The following NOX4 variants were observed in gnomAD, a reference collection of about 807,000 sequenced individuals.
The protein encoded by NOX4 is NADPH oxidase 4.
A neutral mutation model predicts 87.6 loss-of-function variants in NOX4; 69 were observed. That is an observed-to-expected ratio of 0.79 (90% CI 0.65 to 0.96). NOX4 has a LOEUF of 0.96. Ranked by LOEUF, NOX4 falls within the 40% of genes least tolerant of loss-of-function variation. The probability of loss-of-function intolerance (pLI) is 0.00; values close to 1 mark genes in which losing one functional copy is unlikely to be tolerated. For synonymous variants in NOX4, 275 were observed against 238.2 expected, an observed-to-expected ratio of 1.15 and a Z score of -1.42; for missense variants, 680 against 681.5, an observed-to-expected ratio of 1.00 and a Z score of 0.02.
chr11:89,562,635 C>T, the NOX4 span, among the ~76,000 whole-genome samples: 1 of 152,138 alleles, frequency 6.6e-6, no homozygotes, highest in African/African-American at 2.4e-5. Flanking sequence ...CCATATGAGA[C>T]TATGTATTTG....
At chr11:89,542,343 A>G in the NOX4 span, among the ~76,000 whole-genome samples, 2 of 152,190 alleles carry the variant, frequency 1.3e-5, no homozygotes, top group African/African-American at 2.4e-5. Context: ...CAACAGTTCT[A>G]TATAACTGGT....
the NOX4 span, among the ~76,000 whole-genome samples, chr11:89,547,739 C>T: frequency 6.6e-6 from 1 of 152,090 alleles, no homozygotes. Context: ...CTCAGAGGCT[C>T]TACTTTAATT....
chr11:89,452,199 CTGT>C (rs2135390330), intron 2 of NOX4, among the ~76,000 whole-genome samples: 1 of 152,274 alleles, frequency 6.6e-6, no homozygotes, highest in South Asian at 2.1e-4. Flanking sequence ...ATTGTTCTGG[CTGT>C]TAAGAGCCTT....
At chr11:89,531,721 C>T in the NOX4 span, among the ~76,000 whole-genome samples, 2 of 152,334 alleles carry the variant, frequency 1.3e-5, no homozygotes, top group Middle Eastern at 3.4e-3. Flanking sequence ...TTCCTCTTCA[C>T]CTTCTGCAAA....
chr11:89,431,153 T>C (rs182598836), intron 7 of NOX4, among the ~76,000 whole-genome samples: 2 of 152,218 alleles, frequency 1.3e-5, no homozygotes, highest in East Asian at 1.9e-4. Context: ...GCTAGTTGTA[T>C]GTAGAAAGCT....
chr11:89,553,648 C>T, the NOX4 span, among the ~76,000 whole-genome samples: 60 of 151,960 alleles, frequency 3.9e-4, no homozygotes, highest in Non-Finnish European at 7.8e-4. Context: ...AAGAATTAAT[C>T]TAGAATGTGA....
intron 12 of NOX4, among the ~76,000 whole-genome samples, chr11:89,365,750 C>T (rs1301431818): frequency 1.2e-5 from 1 of 84,974 alleles, no homozygotes; most frequent in Non-Finnish European, 2.2e-5. Context: ...AAGACCACGC[C>T]CACAAAAAAA....
intron 12 of NOX4, among the ~76,000 whole-genome samples, chr11:89,356,194 G>A (rs1565191662): frequency 6.6e-6 from 1 of 152,060 alleles, no homozygotes; most frequent in South Asian, 2.1e-4. Flanking sequence ...TTTTAGGAAA[G>A]GTAGGGGGAT....
chr11:89,443,066 G>C (rs1565299770), intron 5 of NOX4, among the ~76,000 whole-genome samples: 1 of 152,116 alleles, frequency 6.6e-6, no homozygotes, highest in Admixed American at 6.6e-5. Context: ...GTGGTTCTCA[G>C]TGCTGGATGC....
At chr11:89,439,055 A>C (rs1012252897) in intron 6 of NOX4, among the ~76,000 whole-genome samples, 3 of 133,642 alleles carry the variant, frequency 2.2e-5, no homozygotes, top group South Asian at 2.2e-4. Context: ...ACTAATAATA[A>C]TACTACTAAT....
chr11:89,567,897 G>A, the NOX4 span, among the ~76,000 whole-genome samples: 1 of 152,188 alleles, frequency 6.6e-6, no homozygotes. Flanking sequence ...TGTGTACACA[G>A]ACTCCATCAC....
At chr11:89,437,881 C>T (rs185902878) in intron 6 of NOX4, among the ~76,000 whole-genome samples, 250 of 152,224 alleles carry the variant, frequency 1.6e-3, no homozygotes, top group Non-Finnish European at 2.3e-3. Flanking sequence ...CATCCTCTCA[C>T]ATACTTTAAA....
At chr11:89,566,981 G>A in the NOX4 span, among the ~76,000 whole-genome samples, 8 of 152,174 alleles carry the variant, frequency 5.3e-5, no homozygotes, top group South Asian at 1.7e-3. Flanking sequence ...TGGGAACTGG[G>A]GGGTGTTGGC....
rs1212262250 is a variant in NOX4 at position 89,490,513 on chromosome 11, G to A, written c.98C>T (p.Thr33Ile). ...TGGCCCTTGGTTATACAGCAAGAAG[G>A]TTTTCCAGAAAAGCAGGACATTCAT... ...LSMNVLLFWK[T>I]FLLYNQGPEY... The change falls in exon 2 of 18, where the codon ACC becomes ATC. Residue 33 changes from threonine to isoleucine, a missense_variant. Transcript: ENST00000263317. 1.9e-6 allele frequency: 3 copies of A among 1,614,028 alleles called. No individual in the cohort carries two copies. The highest frequency in any genetic ancestry group is 2.5e-6 in the Non-Finnish European group (3 of 1,179,982).
intron 11 of NOX4, among the ~76,000 whole-genome samples, chr11:89,393,104 G>A (rs1299441020): frequency 6.6e-6 from 1 of 152,078 alleles, no homozygotes; most frequent in Admixed American, 6.6e-5. Flanking sequence ...TCAACTGTAG[G>A]TGATTTTGCC....
the NOX4 span, among the ~76,000 whole-genome samples, chr11:89,547,004 G>A: frequency 2.6e-5 from 4 of 152,160 alleles, no homozygotes; most frequent in African/African-American, 9.7e-5. Flanking sequence ...TAGACTTGGT[G>A]TGGGGATTAA....
chr11:89,325,104 A>T lies in NOX4; in HGVS notation c.*1652T>A, dbSNP rs1209503573. ...TAAACAAAATCACTAAACTGTATGA[A>T]TGCTTTAATTCTTTTTTTTTTTTTT... On this transcript the variant is annotated 3_prime_UTR_variant, in exon 18 of 18. Coordinates refer to ENST00000263317, the MANE Select transcript of NOX4 (RefSeq NM_016931.5). 7.7e-6 allele frequency: 1 copy of T among 129,664 alleles called. No individual in the cohort carries two copies. The highest frequency in any genetic ancestry group is 3.0e-5 in the African/African-American group (1 of 33,464). The allele number at this position is 129,664 out of a possible 1,614,324, so 8.0% of individuals were successfully genotyped here. A position where few individuals can be genotyped will look rare whatever the true frequency, so the allele number is the denominator to read the frequency against.
Position 89,481,841 on chromosome 11 carries a change from C to T in NOX4, c.153+8617G>A, listed in dbSNP as rs373315949. ...TTCTACAGGCTCCTCTCCCTCCAGG[C>T]TGAGCATTGCCCAGAAGAAAGTATA... On this transcript the variant is annotated intron_variant, in intron 2 of 17. Transcript: ENST00000263317. Among the ~76,000 whole-genome samples the T allele has an allele frequency of 1.2e-4, 19 of 152,132 alleles. 1 individual carries two copies. The highest frequency in any genetic ancestry group is 3.9e-4 in the Admixed American group (6 of 15,254).
chr11:89,400,053 T>C lies in NOX4; in HGVS notation c.1038A>G (p.Val346=), dbSNP rs767481793. ...GQYITLHCPS[V]SALENHPFTL... is the part of the protein sequence containing the mutation. ...TAAATGGATGATTTTCTAATGCAGA[T>C]ACACTGGGACAATGTAGAGTAATAT... The change falls in exon 11 of 18, where the codon GTA becomes GTG. Residue 346 remains valine (V), a synonymous_variant. Transcript: ENST00000263317. 6.8e-6 allele frequency: 11 copies of C among 1,608,696 alleles called. No individual in the cohort carries two copies. Among genetic ancestry groups the C allele is most frequent in the Admixed American group, 1.7e-5 (1 of 59,658 alleles).
Sources: gnomAD v4.1 joint callset for allele counts (sites outside exome capture counted in the v4.1 genomes callset) on GRCh38, gnomAD v4.1.1 for gene constraint, MANE v1.5 for transcripts, NCBI Gene and HGNC (gene_info 2026-07-23, HGNC 2026-07-21) for gene names.